SGPP1: variants seen among roughly 807,000 people sequenced by gnomAD.
SGPP1 encodes hSPP1.
A neutral mutation model predicts 33.0 loss-of-function variants in SGPP1; 21 were observed. That is an observed-to-expected ratio of 0.64 (90% CI 0.45 to 0.92). SGPP1 has a LOEUF of 0.92. Among genes scored for constraint, SGPP1 ranks in the 40% least tolerant of loss-of-function variants. The pLI, the probability that SGPP1 is intolerant of heterozygous loss-of-function variation, is 0.00. For missense variants in SGPP1, 543 were observed against 589.4 expected (o/e 0.92, Z 0.81); for synonymous variants, 239 against 241.2 (o/e 0.99, Z 0.08).
intron 2 of SGPP1, among the ~76,000 whole-genome samples, chr14:63,695,608 A>ATT (rs1339183887): frequency 1.3e-5 from 2 of 152,222 alleles, no homozygotes; most frequent in African/African-American, 2.4e-5. Context: ...AACAATAACC[A>ATT]TTGTTAAAAC....
Position 63,727,932 on chromosome 14 carries a change from G to C in SGPP1, c.13C>G (p.Gln5Glu). ...CGGCCAACCAGCTGGGCCAGGCGCT[G>C]CCTCAGCGACATGATAACGGAACCC... MSLRQRLAQLVGRLQ... is the reference protein window; with the variant it reads MSLRERLAQLVGRLQ... Residue 5 changes from glutamine (Q) to glutamate (E), a missense_variant, in exon 1 of 3, where the codon CAG becomes GAG. By Grantham distance (29) the Gln-to-Glu change is conservative. Coordinates refer to ENST00000247225, the MANE Select transcript of SGPP1 (RefSeq NM_030791.4). 1.3e-6 allele frequency: 2 copies of C among 1,545,090 alleles called. No individual in the cohort carries two copies. The highest frequency in any genetic ancestry group is 1.7e-6 in the Non-Finnish European group (2 of 1,154,920).
Position 63,684,484 on chromosome 14 carries a change from G to C in SGPP1, c.*1621C>G, listed in dbSNP as rs1884930450. On this transcript the variant is annotated 3_prime_UTR_variant, in exon 3 of 3. Transcript: ENST00000247225. ...GGTTTCCTTTTAACTAATAAGTAAA[G>C]GGTAAATTTAGTTGCTTTACTTAAA... 6.6e-6 allele frequency: 1 copy of C among 152,226 alleles called. No individual in the cohort carries two copies. Among genetic ancestry groups the C allele is most frequent in the Admixed American group, 6.6e-5 (1 of 15,264 alleles). 9.4% of individuals were successfully genotyped at this position (152,226 alleles called of 1,614,324 possible).
At chr14:63,698,538 T>G (rs753978238) in intron 2 of SGPP1, 31 bp downstream of exon 2, 1 of 1,223,088 alleles carries the variant, frequency 8.2e-7, no homozygotes, top group South Asian at 1.4e-5. Flanking sequence ...TCATAAAAAA[T>G]AAAGTATTAA....
chr14:63,686,374 C>A lies in SGPP1; in HGVS notation c.1057G>T (p.Ala353Ser), dbSNP rs758878893. Residue 353 changes from alanine to serine, a missense_variant, in exon 3 of 3, where the codon GCT becomes TCT. Coordinates refer to ENST00000247225, the MANE Select transcript of SGPP1 (RefSeq NM_030791.4). ...AGAGTCACAGTAATGGGGGGCCCAGCTAAAGGTAATGTATCTAGAGAAGGA... is the reference window on the plus strand; with the variant it reads ...AGAGTCACAGTAATGGGGGGCCCAGATAAAGGTAATGTATCTAGAGAAGGA... ...LDPSLDTLPL[A>S]GPPITVTLFG... 1 of 1,614,062 alleles carries A rather than the reference C, an allele frequency of 6.2e-7. No homozygotes were observed. Among genetic ancestry groups the A allele is most frequent in the East Asian group, 2.2e-5 (1 of 44,886 alleles).
intron 1 of SGPP1, among the ~76,000 whole-genome samples, chr14:63,705,681 T>G (rs1194702048): frequency 2.0e-5 from 3 of 151,436 alleles, no homozygotes; most frequent in Non-Finnish European, 4.4e-5. Flanking sequence ...AAATGGGAAA[T>G]GAAAATGAAA....
In SGPP1 at chr14:63,686,577, T is replaced by C. The variant is rs374247390; in HGVS notation, c.854A>G (p.Asn285Ser). The change falls in exon 3 of 3, where the codon AAC becomes AGC. Residue 285 changes from asparagine (N) to serine (S), a missense_variant. By Grantham distance (46) the Asn-to-Ser change is conservative. Coordinates refer to ENST00000247225, the MANE Select transcript of SGPP1 (RefSeq NM_030791.4). Reference sequence around the variant, plus strand: ...GAATGGAGCATATTTGTGAGTTTGGTTGAAGTTGTCAATCAGGTCCACAAA... The same window carrying C: ...GAATGGAGCATATTTGTGAGTTTGGCTGAAGTTGTCAATCAGGTCCACAAA... ...YPFVDLIDNF[N>S]QTHKYAPFII... The C allele has an allele frequency of 1.4e-5, 23 of 1,613,870 alleles. No homozygotes were observed. Among genetic ancestry groups the C allele is most frequent in the Non-Finnish European group, 1.7e-5 (20 of 1,179,954 alleles).
chr14:63,723,482 A>T (rs1415196937), intron 1 of SGPP1, among the ~76,000 whole-genome samples: 2 of 152,126 alleles, frequency 1.3e-5, no homozygotes, highest in Admixed American at 1.3e-4. Flanking sequence ...GCACTTTGGG[A>T]GGCTGAGGGG....
chr14:63,686,551 T>C lies in SGPP1; in HGVS notation c.880A>G (p.Ile294Val), dbSNP rs1884982149. 5 of 1,613,898 alleles carry C rather than the reference T, an allele frequency of 3.1e-6. No homozygotes were observed. The East Asian group carries it at 6.7e-5, about 22-fold the overall frequency. The change falls in exon 3 of 3, where the codon ATC becomes GTC. Residue 294 changes from isoleucine to valine, a missense_variant. Coordinates refer to ENST00000247225, the MANE Select transcript of SGPP1 (RefSeq NM_030791.4). ...FNQTHKYAPF[I>V]IIGLHLALGI... is the part of the protein sequence containing the mutation. ...AAAGCTAAATGAAGCCCGATGATGA[T>C]GAATGGAGCATATTTGTGAGTTTGG...
rs147270551 is a variant in SGPP1, at chr14:63,703,282, C to A, written c.685-4624G>T. On this transcript the variant is annotated intron_variant, in intron 1 of 2. Coordinates refer to ENST00000247225, the MANE Select transcript of SGPP1 (RefSeq NM_030791.4). Reference sequence around the variant, plus strand: ...GTAGCATCCTAAAGAATAAAATACCCATACCTAGGAATAAACTTAACTAAG... The same window carrying A: ...GTAGCATCCTAAAGAATAAAATACCAATACCTAGGAATAAACTTAACTAAG... Among the ~76,000 whole-genome samples the A allele has an allele frequency of 2.0e-3, 298 of 151,608 alleles. 2 individuals carry two copies. The highest frequency in any genetic ancestry group is 6.8e-3 in the African/African-American group (283 of 41,370).
intron 1 of SGPP1, among the ~76,000 whole-genome samples, chr14:63,717,134 T>C (rs1175187293): frequency 6.6e-6 from 1 of 151,882 alleles, no homozygotes; most frequent in Non-Finnish European, 1.5e-5. Context: ...TACCCTATCC[T>C]ACTTGATAAA....
At chr14:63,687,086 A>G (rs1234643131) in intron 2 of SGPP1, among the ~76,000 whole-genome samples, 2 of 152,156 alleles carry the variant, frequency 1.3e-5, no homozygotes, top group African/African-American at 4.8e-5. Context: ...TCATTCATTG[A>G]ACAAATATTT....
intron 1 of SGPP1, among the ~76,000 whole-genome samples, chr14:63,719,823 A>T (rs1369854591): frequency 6.6e-6 from 1 of 151,734 alleles, no homozygotes; most frequent in Non-Finnish European, 1.5e-5. Flanking sequence ...GGACTTAAAA[A>T]AAAAAAGAAG....
chr14:63,697,954 T>A (rs1325762393), intron 2 of SGPP1, among the ~76,000 whole-genome samples: 1 of 152,152 alleles, frequency 6.6e-6, no homozygotes, highest in Non-Finnish European at 1.5e-5. Context: ...AGTAATCTGG[T>A]CAAGATATGT....
Position 63,715,064 on chromosome 14 carries a change from G to T in SGPP1, c.684+12197C>A, listed in dbSNP as rs1229612541. On this transcript the variant is annotated intron_variant, in intron 1 of 2. Coordinates refer to ENST00000247225, the MANE Select transcript of SGPP1 (RefSeq NM_030791.4). ...TTTTTTGAGATGGAGTGTTGCTCTT[G>T]TTGCTCATGCTGTGATTTTGGCTCA... 3.2e-5 allele frequency among the ~76,000 whole-genome samples: 4 copies of T among 126,312 alleles called. No homozygotes were observed. In the East Asian group the frequency reaches 9.3e-4, roughly 29 times the overall value. 82.9% of individuals were successfully genotyped at this position (126,312 alleles called of 152,430 possible).
chr14:63,727,876 GA>G lies in SGPP1; in HGVS notation c.68del (p.Phe23SerfsTer91). 1 of 1,523,948 alleles carries G rather than the reference GA, an allele frequency of 6.6e-7. No homozygotes were observed. Among genetic ancestry groups the G allele is most frequent in the South Asian group, 1.2e-5 (1 of 83,576 alleles). 94.4% of individuals were successfully genotyped at this position (1,523,948 alleles called of 1,614,324 possible). Reference sequence around the variant, plus strand: ...GCGCTTCCACCCCGCACAGCCGCTGGAAACGGGCCACTTTCTGCGGGTCCTG... The same window carrying G: ...GCGCTTCCACCCCGCACAGCCGCTGGAACGGGCCACTTTCTGCGGGTCCTG... ...RLQDPQKVAR[F>X]QRLCGVEAPP... On this transcript the variant is annotated frameshift_variant, in exon 1 of 3. Transcript: ENST00000247225. LOFTEE classifies it high-confidence loss of function.
rs1285024959 is a variant in SGPP1 at position 63,686,115 on chromosome 14, C to T, written c.1316G>A (p.Gly439Asp). 6.3e-7 allele frequency: 1 copy of T among 1,584,894 alleles called. No individual in the cohort carries two copies. Among genetic ancestry groups the T allele is most frequent in the South Asian group, 1.1e-5 (1 of 87,426 alleles). Residue 439 changes from glycine (G) to aspartate (D), a missense_variant, in exon 3 of 3, where the codon GGT becomes GAT. Physicochemically the swap from Gly to Asp is moderately conservative, Grantham distance 94 (BLOSUM62 -1). Transcript: ENST00000247225. ...AACAATACTTCTCCATCAAGAGATA[C>T]CAATAAAGAAAAATATGTAAGGAAC... ...FFVPYIFFFI[G>D]IS
rs187024242 is a variant in SGPP1 at position 63,696,525 on chromosome 14, T to C, written c.774+2044A>G. 5.9e-5 allele frequency among the ~76,000 whole-genome samples: 9 copies of C among 152,312 alleles called. No homozygotes were observed. In the East Asian group the frequency reaches 1.7e-3, roughly 29 times the overall value. ...AATAACTCTAAAAAGACACAGAAGA[T>C]AGAAAACATTTTCTTGTAACAAGTA... On this transcript the variant is annotated intron_variant, in intron 2 of 2. Coordinates refer to ENST00000247225, the MANE Select transcript of SGPP1 (RefSeq NM_030791.4).
chr14:63,726,841 T>G (rs542343448), intron 1 of SGPP1, among the ~76,000 whole-genome samples: 2 of 152,204 alleles, frequency 1.3e-5, no homozygotes, highest in African/African-American at 4.8e-5. Context: ...TGACTTTACC[T>G]CTTTCTGAAA....
intron 2 of SGPP1, among the ~76,000 whole-genome samples, chr14:63,698,080 T>C (rs909709406): frequency 6.6e-6 from 1 of 152,194 alleles, no homozygotes; most frequent in Non-Finnish European, 1.5e-5. Context: ...AATTGCATTC[T>C]CAAAACACAA....
Sources: allele counts gnomAD v4.1 joint callset (sites outside exome capture counted in the v4.1 genomes callset), GRCh38; gene constraint gnomAD v4.1.1; transcripts MANE v1.5; gene names NCBI Gene and HGNC (gene_info 2026-07-23, HGNC 2026-07-21).